The following SSU72 variants were observed in gnomAD, a reference collection of about 807,000 sequenced individuals.
SSU72 encodes the protein SSU72 homolog, RNA polymerase II CTD phosphatase, also known as RNA polymerase II subunit A C-terminal domain phosphatase SSU72.
A neutral mutation model predicts 22.7 loss-of-function variants in SSU72; 12 were observed. The observed-to-expected ratio is 0.53, with a 90% CI of 0.34 to 0.86. The LOEUF is 0.86. Ranked by LOEUF, SSU72 falls within the 40% of genes least tolerant of loss-of-function variation. The pLI is 0.02. For missense variants in SSU72, 151 were observed against 249.8 expected (o/e 0.60, Z 2.67); for synonymous variants, 116 against 98.3 (o/e 1.18, Z -1.06).
Position 1,568,400 on chromosome 1 carries a change from T to C in SSU72, c.81-3484A>G, listed in dbSNP as rs1424491001. ...TCAGCTCAGGAGTTTGAGACCAGCC[T>C]GGCCAACATGACAAAACCCCGTCTC... On this transcript the variant is annotated intron_variant, in intron 1 of 4. Transcript: ENST00000291386. 2.6e-5 allele frequency among the ~76,000 whole-genome samples: 4 copies of C among 151,904 alleles called. 1 individual carries two copies. Among genetic ancestry groups the C allele is most frequent in the Non-Finnish European group, 5.9e-5 (4 of 67,982 alleles).
At chr1:1,560,966 GCA>G (rs1039182788) in intron 2 of SSU72, 2 of 152,390 alleles carry the variant, frequency 1.3e-5, no homozygotes, top group South Asian at 2.1e-4. Flanking sequence ...AGGTGGGCAT[GCA>G]CAGAGAAACC....
At chr1:1,548,041 C>T (rs1055813582) in intron 2 of SSU72, among the ~76,000 whole-genome samples, 1 of 152,228 alleles carries the variant, frequency 6.6e-6, no homozygotes, top group Admixed American at 6.5e-5. Flanking sequence ...GGGCCTGAAA[C>T]GTACCCAGAA....
intron 2 of SSU72, among the ~76,000 whole-genome samples, chr1:1,550,354 T>A (rs997494666): frequency 2.0e-5 from 3 of 152,234 alleles, no homozygotes; most frequent in Non-Finnish European, 4.4e-5. Flanking sequence ...TTATTCTGAA[T>A]GTCTGCTCTT....
intron 1 of SSU72, among the ~76,000 whole-genome samples, chr1:1,571,936 A>G (rs939155450): frequency 1.3e-5 from 2 of 151,430 alleles, no homozygotes; most frequent in South Asian, 4.2e-4. Context: ...CTGGGACTAC[A>G]GGCGCCCGTC....
chr1:1,556,849 G>C (rs980493469), intron 2 of SSU72, among the ~76,000 whole-genome samples: 2 of 152,202 alleles, frequency 1.3e-5, no homozygotes, highest in African/African-American at 4.8e-5. Context: ...TGAAGACGAA[G>C]GCACAGTCAG....
chr1:1,551,731 C>A (rs372861721), intron 2 of SSU72, among the ~76,000 whole-genome samples: 35 of 152,346 alleles, frequency 2.3e-4, no homozygotes, highest in African/African-American at 8.2e-4. Context: ...GGACACAGCA[C>A]CCATGTCCAG....
At chr1:1,550,888 G>A (rs1413549205) in intron 2 of SSU72, among the ~76,000 whole-genome samples, 1 of 152,134 alleles carries the variant, frequency 6.6e-6, no homozygotes, top group East Asian at 1.9e-4. Flanking sequence ...GGCCTGGGAG[G>A]TGCACAGACC....
intron 1 of SSU72, 116 bp downstream of exon 1, chr1:1,574,362 G>C: frequency 3.6e-6 from 4 of 1,121,668 alleles, no homozygotes; most frequent in Non-Finnish European, 5.1e-6. Flanking sequence ...CGACCCACGA[G>C]CGCGGCCCGG....
At chr1:1,546,860 C>CA (rs1169308811) in intron 2 of SSU72, among the ~76,000 whole-genome samples, 1,772 of 75,126 alleles carry the variant, frequency 0.024, 47 homozygotes, top group Middle Eastern at 0.045. Flanking sequence ...ACAACAACAA[C>CA]AAAAAAAAAA....
In SSU72 at chr1:1,541,790, G is replaced by T. The variant is rs1165055389; in HGVS notation, c.*276C>A. The T allele has an allele frequency of 9.2e-6, 4 of 434,472 alleles. No homozygotes were observed. Among genetic ancestry groups the T allele is most frequent in the Non-Finnish European group, 1.7e-5 (4 of 234,164 alleles). The allele number at this position is 434,472 out of a possible 1,614,324, so 26.9% of individuals were successfully genotyped here. ...GGAAGGCAGGCACACGAAGACACAG[G>T]TATGTCGGGAAGTGCACACAAACCG... On this transcript the variant is annotated 3_prime_UTR_variant, in exon 5 of 5. Transcript: ENST00000291386.
intron 1 of SSU72, 119 bp downstream of exon 1, chr1:1,574,359 C>T: frequency 1.8e-6 from 2 of 1,099,550 alleles, no homozygotes; most frequent in Non-Finnish European, 2.6e-6. Context: ...AGCCGACCCA[C>T]GAGCGCGGCC....
chr1:1,561,454 G>C (rs887151221), intron 2 of SSU72: 2 of 152,246 alleles, frequency 1.3e-5, no homozygotes, highest in African/African-American at 4.8e-5. Flanking sequence ...CTTGAACCCC[G>C]TCTTGCTTCC....
rs1404327918 is a variant in SSU72 at position 1,553,487 on chromosome 1, T to C, written c.225-8485A>G. On this transcript the variant is annotated intron_variant, in intron 2 of 4. Coordinates refer to ENST00000291386, the MANE Select transcript of SSU72 (RefSeq NM_014188.3). The stretch of plus-strand genomic sequence containing the variant: ...TCTAGTAAAAGTACAAAAAACTAGG[T>C]GGGCGTGGCCAGGCGCAGCGGCTCA... 3.3e-5 allele frequency among the ~76,000 whole-genome samples: 5 copies of C among 151,508 alleles called. No individual in the cohort carries two copies. In the East Asian group the frequency reaches 5.8e-4, roughly 18 times the overall value.
At chr1:1,564,379 G>A in intron 2 of SSU72, 1 of 1,237,610 alleles carries the variant, frequency 8.1e-7, no homozygotes, top group Non-Finnish European at 1.1e-6. Flanking sequence ...GGCTCCATGT[G>A]TATCAGGCAC....
rs931965687 is a variant in SSU72, at chr1:1,564,440, C to T, written c.224+333G>A. The T allele has an allele frequency of 4.3e-5, 63 of 1,460,596 alleles. No individual in the cohort carries two copies. The African/African-American group carries it at 8.8e-4, about 20-fold the overall frequency. The allele number at this position is 1,460,596 out of a possible 1,614,324, so 90.5% of individuals were successfully genotyped here. On this transcript the variant is annotated intron_variant, in intron 2 of 4. Coordinates refer to ENST00000291386, the MANE Select transcript of SSU72 (RefSeq NM_014188.3). The stretch of plus-strand genomic sequence containing the variant: ...CCTGCAAAGGAAATAACGGGGCAGC[C>T]CTGCAGTGTGAAAAGCAATGGGATT...
rs143318618 is a variant in SSU72 at position 1,551,436 on chromosome 1, G to C, written c.225-6434C>G. 9.5e-4 allele frequency among the ~76,000 whole-genome samples: 145 copies of C among 152,316 alleles called. 1 individual carries two copies. Among genetic ancestry groups the C allele is most frequent in the Admixed American group, 8.3e-3 (127 of 15,298 alleles). On this transcript the variant is annotated intron_variant, in intron 2 of 4. Transcript: ENST00000291386. Reference sequence around the variant, plus strand: ...CTTCTCCCCAAATCACAGCACCCAAGCTGCTTTTGTTGGGCTACAATCAGC... The same window carrying C: ...CTTCTCCCCAAATCACAGCACCCAACCTGCTTTTGTTGGGCTACAATCAGC...
Position 1,554,385 on chromosome 1 carries a change from G to A in SSU72, c.225-9383C>T, listed in dbSNP as rs948576906. On this transcript the variant is annotated intron_variant, in intron 2 of 4. Coordinates refer to ENST00000291386, the MANE Select transcript of SSU72 (RefSeq NM_014188.3). This position sits in a 1 kb window ranked among gnomAD's most constrained non-coding sequence, Gnocchi z 4.1. ...ACGAAGCTGAGCATGAGGCGGATCC[G>A]GCCCATTTGGGGGTCCCCACGAGCC... 3.3e-5 allele frequency among the ~76,000 whole-genome samples: 5 copies of A among 152,050 alleles called. No homozygotes were observed. The highest frequency in any genetic ancestry group is 1.3e-4 in the Admixed American group (2 of 15,266).
Position 1,542,195 on chromosome 1 carries a change from C to T in SSU72, c.484-28G>A. Reference sequence around the variant, plus strand: ...GCAAGGACAGGACCGTGGTGAGGGCCTTGCCCACTCCTGCCTGTCTGCTCC... The same window carrying T: ...GCAAGGACAGGACCGTGGTGAGGGCTTTGCCCACTCCTGCCTGTCTGCTCC... On this transcript the variant is annotated intron_variant, in intron 4 of 4. Coordinates refer to ENST00000291386, the MANE Select transcript of SSU72 (RefSeq NM_014188.3). This position sits in a 1 kb window ranked among gnomAD's most constrained non-coding sequence, Gnocchi z 4.4. The T allele has an allele frequency of 6.4e-7, 1 of 1,554,828 alleles. No individual in the cohort carries two copies. The highest frequency in any genetic ancestry group is 8.7e-7 in the Non-Finnish European group (1 of 1,146,970).
At chr1:1,551,590 G>A (rs1032024860) in intron 2 of SSU72, among the ~76,000 whole-genome samples, 1 of 152,222 alleles carries the variant, frequency 6.6e-6, no homozygotes, top group African/African-American at 2.4e-5. Flanking sequence ...TGGTCAGGGA[G>A]GGGGAGGCCT....
Sources: allele counts gnomAD v4.1 joint callset (sites outside exome capture counted in the v4.1 genomes callset), GRCh38; gene constraint gnomAD v4.1.1; non-coding constraint Gnocchi (gnomAD v3.1); transcripts MANE v1.5; gene names NCBI Gene and HGNC (gene_info 2026-07-23, HGNC 2026-07-21).